Variants in MYO1D observed in about 807,000 individuals in gnomAD.
The protein encoded by MYO1D is unconventional myosin-Id.
In MYO1D, 83 loss-of-function variants were observed where a neutral mutation model predicts 122.0. The observed-to-expected ratio is 0.68, with a 90% CI of 0.57 to 0.82. The LOEUF (loss-of-function observed/expected upper bound fraction) is 0.82, where lower values mean the gene tolerates loss of function less well. MYO1D is among the 40% of genes least tolerant of loss of function. The pLI is 0.00. For missense variants in MYO1D, 1,157 were observed against 1,269.5 expected, an observed-to-expected ratio of 0.91 and a Z score of 1.35; for synonymous variants, 464 against 446.9, an observed-to-expected ratio of 1.04 and a Z score of -0.48.
intron 1 of MYO1D, among the ~76,000 whole-genome samples, chr17:32,863,237 G>A (rs1380459946): frequency 6.6e-6 from 1 of 152,214 alleles, no homozygotes; most frequent in Non-Finnish European, 1.5e-5. Context: ...ACCAAGGGCA[G>A]TAATATGTTT....
chr17:32,731,319 T>C (rs910120152), intron 14 of MYO1D, among the ~76,000 whole-genome samples: 1 of 152,264 alleles, frequency 6.6e-6, no homozygotes, highest in Non-Finnish European at 1.5e-5. Context: ...TGTAAACTGA[T>C]GTTAAACCTA....
chr17:32,539,429 T>C (rs909808885), intron 21 of MYO1D, among the ~76,000 whole-genome samples: 19 of 152,274 alleles, frequency 1.2e-4, no homozygotes, highest in African/African-American at 4.6e-4. Context: ...ACCATAAACT[T>C]AGCGGCTTAA....
chr17:32,800,956 C>T (rs1027519030), intron 1 of MYO1D, among the ~76,000 whole-genome samples: 14 of 152,008 alleles, frequency 9.2e-5, no homozygotes, highest in Non-Finnish European at 1.6e-4. Context: ...TACTCTGATT[C>T]GACCAGTCCA....
At chr17:32,848,429 T>C (rs2090957049) in intron 1 of MYO1D, among the ~76,000 whole-genome samples, 1 of 152,226 alleles carries the variant, frequency 6.6e-6, no homozygotes, top group East Asian at 1.9e-4. Flanking sequence ...GAAAAGTACA[T>C]GGGAGTTCCT....
chr17:32,683,123 T>C (rs2088946993), intron 16 of MYO1D, among the ~76,000 whole-genome samples: 1 of 131,618 alleles, frequency 7.6e-6, no homozygotes, highest in Non-Finnish European at 1.6e-5. Flanking sequence ...CACTTCTCTG[T>C]ATTGGTTATT....
chr17:32,498,594 G>A (rs1440255103), intron 21 of MYO1D: 1 of 152,232 alleles, frequency 6.6e-6, no homozygotes, highest in Non-Finnish European at 1.5e-5. Flanking sequence ...CTGAGAGCCT[G>A]GGAAGCCGCC....
intron 21 of MYO1D, among the ~76,000 whole-genome samples, chr17:32,508,251 T>G (rs1909567352): frequency 6.6e-6 from 1 of 151,892 alleles, no homozygotes; most frequent in Admixed American, 6.6e-5. Flanking sequence ...AAAATACATT[T>G]CTGTTGTTCA....
intron 6 of MYO1D, among the ~76,000 whole-genome samples, chr17:32,768,892 TA>T (rs2090086766): frequency 6.6e-6 from 1 of 152,210 alleles, no homozygotes; most frequent in African/African-American, 2.4e-5. Flanking sequence ...GGATAAAATC[TA>T]AATGTCCTAC....
intron 15 of MYO1D, among the ~76,000 whole-genome samples, chr17:32,719,551 C>T (rs2089486309): frequency 6.6e-6 from 1 of 152,034 alleles, no homozygotes; most frequent in African/African-American, 2.4e-5. Flanking sequence ...GGGGTTTCAC[C>T]TTGTTAGCCA....
intron 21 of MYO1D, among the ~76,000 whole-genome samples, chr17:32,515,082 C>T (rs1909843098): frequency 6.6e-6 from 1 of 152,080 alleles, no homozygotes; most frequent in African/African-American, 2.4e-5. Flanking sequence ...GAGTAAGTGC[C>T]CCATTAATGT....
intron 21 of MYO1D, among the ~76,000 whole-genome samples, chr17:32,568,026 T>A (rs1420638039): frequency 6.6e-6 from 1 of 152,086 alleles, no homozygotes; most frequent in African/African-American, 2.4e-5. Context: ...GCTGCAATAA[T>A]GGTGAGCGGC....
intron 19 of MYO1D, among the ~76,000 whole-genome samples, chr17:32,645,533 G>C (rs1055149108): frequency 1.3e-5 from 2 of 152,138 alleles, no homozygotes; most frequent in African/African-American, 4.8e-5. Flanking sequence ...GTCACTTTCA[G>C]GTGCACCAAT....
intron 1 of MYO1D, among the ~76,000 whole-genome samples, chr17:32,858,898 T>G (rs1211211233): frequency 6.6e-6 from 1 of 152,238 alleles, no homozygotes; most frequent in Admixed American, 6.5e-5. Flanking sequence ...AGCTGCTTTC[T>G]GAATCTGTTT....
intron 21 of MYO1D, chr17:32,518,177 C>A: frequency 5.2e-6 from 1 of 192,702 alleles, no homozygotes; most frequent in Admixed American, 5.9e-5. Flanking sequence ...CACCCTCTTT[C>A]TTGTCCCCTT....
chr17:32,506,368 G>A (rs1029519601), intron 21 of MYO1D, among the ~76,000 whole-genome samples: 1 of 152,154 alleles, frequency 6.6e-6, no homozygotes, highest in Non-Finnish European at 1.5e-5. Context: ...AGCATTCAAA[G>A]GTCCATGTCT....
chr17:32,600,955 T>C (rs1042773928), intron 21 of MYO1D, among the ~76,000 whole-genome samples: 2 of 144,320 alleles, frequency 1.4e-5, no homozygotes, highest in African/African-American at 5.2e-5. Context: ...TCTTTTCCCT[T>C]TTTTTTTTTT....
intron 20 of MYO1D, among the ~76,000 whole-genome samples, chr17:32,614,784 C>T (rs914940001): frequency 6.6e-6 from 1 of 152,200 alleles, no homozygotes; most frequent in African/African-American, 2.4e-5. Flanking sequence ...GAGCCCAGAG[C>T]CCTCATGCAA....
chr17:32,768,788 C>T (rs2090085867), intron 6 of MYO1D, among the ~76,000 whole-genome samples: 1 of 152,072 alleles, frequency 6.6e-6, no homozygotes, highest in African/African-American at 2.4e-5. Flanking sequence ...TATAAAGCAC[C>T]TCTCTAGCAC....
chr17:32,507,422 A>G (rs760033302), intron 21 of MYO1D, among the ~76,000 whole-genome samples: 8 of 152,120 alleles, frequency 5.3e-5, no homozygotes, highest in Non-Finnish European at 1.2e-4. Context: ...TCCCCCAAAA[A>G]CAAAAAACTT....
Sources: gnomAD v4.1 joint callset for allele counts (sites outside exome capture counted in the v4.1 genomes callset) on GRCh38, gnomAD v4.1.1 for gene constraint, MANE v1.5 for transcripts, NCBI Gene and HGNC (gene_info 2026-07-23, HGNC 2026-07-21) for gene names.